The following SYT16 variants were observed in gnomAD, a reference collection of about 807,000 sequenced individuals.
SYT16 encodes synaptotagmin-16.
SYT16 carries 42 observed loss-of-function variants against 61.4 expected under a neutral mutation model. The ratio of observed to expected loss-of-function variants is 0.68; its 90% confidence interval spans 0.53 to 0.89. SYT16 has a LOEUF of 0.89. Among genes scored for constraint, SYT16 ranks in the 40% least tolerant of loss-of-function variants. SYT16 has a pLI of 0.00. For synonymous variants in SYT16, 314 were observed against 302.3 expected, an observed-to-expected ratio of 1.04 and a Z score of -0.40; for missense variants, 804 against 807.3, an observed-to-expected ratio of 1.00 and a Z score of 0.05.
At chr14:62,006,972 G>C in intron 3 of SYT16, among the ~76,000 whole-genome samples, 1 of 152,178 alleles carries the variant, frequency 6.6e-6, no homozygotes, top group Middle Eastern at 3.4e-3. Context: ...AGAACAACAG[G>C]CTTTGAAATC....
At chr14:62,091,187 T>G (rs1048617994) in intron 7 of SYT16, among the ~76,000 whole-genome samples, 1 of 152,114 alleles carries the variant, frequency 6.6e-6, no homozygotes, top group Non-Finnish European at 1.5e-5. Flanking sequence ...ACAACATTAA[T>G]GGAAACCAGA....
At chr14:61,834,428 CTTTTTTTTTTTTTT>C in intron 1 of SYT16, among the ~76,000 whole-genome samples, 1 of 76,874 alleles carries the variant, frequency 1.3e-5, no homozygotes, top group African/African-American at 6.5e-5. Context: ...CCGTGCCTGG[CTTTTTTTTTTTTTT>C]TTTTTTTTTT....
chr14:62,082,046 A>T (rs370479876), intron 6 of SYT16, among the ~76,000 whole-genome samples: 1 of 152,204 alleles, frequency 6.6e-6, no homozygotes, highest in East Asian at 1.9e-4. Context: ...ACAGAGTGAT[A>T]GGCTGCCGCT....
At chr14:61,930,707 G>A (rs1383825530) in intron 1 of SYT16, among the ~76,000 whole-genome samples, 1 of 151,938 alleles carries the variant, frequency 6.6e-6, no homozygotes, top group Non-Finnish European at 1.5e-5. Context: ...AAGCATGCTG[G>A]GTTGTCCAGG....
chr14:61,953,940 T>A (rs1041830983), intron 1 of SYT16, among the ~76,000 whole-genome samples: 1 of 152,234 alleles, frequency 6.6e-6, no homozygotes, highest in Non-Finnish European at 1.5e-5. Flanking sequence ...GCTGCATGAC[T>A]GTTTGAAAAC....
chr14:62,077,022 C>T (rs1797823894), intron 5 of SYT16, among the ~76,000 whole-genome samples: 1 of 152,220 alleles, frequency 6.6e-6, no homozygotes, highest in African/African-American at 2.4e-5. Flanking sequence ...TACAGTAGAA[C>T]CTCAAATCCA....
intron 3 of SYT16, among the ~76,000 whole-genome samples, chr14:62,034,022 A>G (rs2054407850): frequency 1.3e-5 from 2 of 152,180 alleles, no homozygotes; most frequent in African/African-American, 4.8e-5. Context: ...TAAAAAGCCC[A>G]ATTAAAATGG....
At chr14:61,845,266 C>T (rs986251030) in intron 1 of SYT16, among the ~76,000 whole-genome samples, 1 of 152,054 alleles carries the variant, frequency 6.6e-6, no homozygotes, top group African/African-American at 2.4e-5. Flanking sequence ...CCAGGCTGGT[C>T]TTGAACTCCT....
intron 1 of SYT16, among the ~76,000 whole-genome samples, chr14:61,964,239 G>A (rs868282712): frequency 6.6e-6 from 1 of 152,132 alleles, no homozygotes; most frequent in South Asian, 2.1e-4. Flanking sequence ...ACTCATATGG[G>A]CAAAGCACAT....
chr14:62,021,619 G>A (rs962804977), intron 3 of SYT16, among the ~76,000 whole-genome samples: 1 of 152,026 alleles, frequency 6.6e-6, no homozygotes, highest in Non-Finnish European at 1.5e-5. Context: ...AAGAATCTGT[G>A]TAGATTTAGT....
At chr14:62,038,099 G>T (rs1257758705) in intron 3 of SYT16, among the ~76,000 whole-genome samples, 1 of 151,968 alleles carries the variant, frequency 6.6e-6, no homozygotes, top group Non-Finnish European at 1.5e-5. Context: ...GCTCCACTCT[G>T]CCAGCTCTAA....
chr14:61,901,639 G>C (rs558796474), intron 1 of SYT16, among the ~76,000 whole-genome samples: 1 of 152,012 alleles, frequency 6.6e-6, no homozygotes, highest in East Asian at 1.9e-4. Context: ...TGATCTGTTT[G>C]AGTAGCATGG....
intron 2 of SYT16, among the ~76,000 whole-genome samples, chr14:61,980,601 A>G (rs2052026189): frequency 6.6e-6 from 1 of 152,192 alleles, no homozygotes; most frequent in Non-Finnish European, 1.5e-5. Context: ...TCCATTCAAC[A>G]TTATTCGTTG....
Position 61,996,110 on chromosome 14 carries a change from G to A in SYT16, c.91G>A (p.Ala31Thr), listed in dbSNP as rs774253499. 6.2e-6 allele frequency: 10 copies of A among 1,613,100 alleles called. No individual in the cohort carries two copies. The South Asian group carries it at 9.9e-5, about 16-fold the overall frequency. Residue 31 changes from alanine to threonine, a missense_variant, in exon 3 of 8, where the codon GCA (alanine) becomes ACA (threonine). Transcript: ENST00000683842. ...TCGGGTTTATGAAGCTCTCCAGCAA[G>A]CAGGAGATATGTTATCTGCTTCGCT... Reference protein sequence around the residue: ...ISRVYEALQQAGDMLSASLVN... With the variant: ...ISRVYEALQQTGDMLSASLVN...
At chr14:61,871,400 C>A (rs887921031) in intron 1 of SYT16, among the ~76,000 whole-genome samples, 2 of 152,132 alleles carry the variant, frequency 1.3e-5, no homozygotes, top group Admixed American at 6.5e-5. Context: ...TTCTGCAGTG[C>A]TTTACCCCAC....
chr14:62,016,129 A>G (rs1436622374), intron 3 of SYT16, among the ~76,000 whole-genome samples: 1 of 152,108 alleles, frequency 6.6e-6, no homozygotes, highest in Non-Finnish European at 1.5e-5. Context: ...ACACCTCCTG[A>G]GCATGCTCCA....
chr14:62,068,079 T>A (rs1179979211), intron 3 of SYT16, among the ~76,000 whole-genome samples: 2 of 152,174 alleles, frequency 1.3e-5, no homozygotes, highest in East Asian at 3.9e-4. Context: ...CACCACCTCA[T>A]AAAGGTATCT....
intron 2 of SYT16, among the ~76,000 whole-genome samples, chr14:61,978,374 G>T (rs777187977): frequency 6.6e-6 from 1 of 152,132 alleles, no homozygotes; most frequent in Non-Finnish European, 1.5e-5. Context: ...GGGTTATAAT[G>T]ATTCTTACAA....
Position 62,069,806 on chromosome 14 carries a change from GC to G in SYT16, c.729del (p.Cys244AlafsTer111). The G allele has an allele frequency of 6.2e-7, 1 of 1,613,800 alleles. No homozygotes were observed. Among genetic ancestry groups the G allele is most frequent in the Non-Finnish European group, 8.5e-7 (1 of 1,179,896 alleles). On this transcript the variant is annotated frameshift_variant, in exon 4 of 8. Transcript: ENST00000683842. LOFTEE classifies it high-confidence loss of function. ...CGGAGAAGATGGCACAGAAGTATCT[GC>G]CTGCGAAGGTATCCTTTGCCTCACA... ...THGEDGTEVS[A>X]CEDLDGASQR...
Sources: gnomAD v4.1 joint callset for allele counts (sites outside exome capture counted in the v4.1 genomes callset) on GRCh38, gnomAD v4.1.1 for gene constraint, MANE v1.5 for transcripts, NCBI Gene and HGNC (gene_info 2026-07-23, HGNC 2026-07-21) for gene names.